GATB: variants seen among roughly 807,000 people sequenced by gnomAD.
GATB encodes the protein glutamyl-tRNA(Gln) amidotransferase subunit B, mitochondrial.
A neutral mutation model predicts 62.3 loss-of-function variants in GATB; 39 were observed. The observed-to-expected ratio is 0.63, with a 90% CI of 0.48 to 0.82. GATB has a LOEUF of 0.82. Among genes scored for constraint, GATB ranks in the 40% least tolerant of loss-of-function variants. The pLI, the probability that GATB is intolerant of heterozygous loss-of-function variation, is 0.00. For missense variants in GATB, 670 were observed against 684.0 expected, an observed-to-expected ratio of 0.98 and a Z score of 0.23; for synonymous variants, 276 against 258.9, an observed-to-expected ratio of 1.07 and a Z score of -0.63.
chr4:151,758,381 G>T lies in GATB; in HGVS notation c.327+391C>A, dbSNP rs1180376891. ...TACTGAATTAGTTGTCCCTCCTCTG[G>T]GTTTCGAAATCATCCTCTGCATATT... On this transcript the variant is annotated intron_variant, in intron 2 of 12. Transcript: ENST00000263985. Among the ~76,000 whole-genome samples the T allele has an allele frequency of 2.0e-5, 3 of 151,970 alleles. No individual in the cohort carries two copies. The East Asian group carries it at 5.8e-4, about 29-fold the overall frequency.
intron 2 of GATB, among the ~76,000 whole-genome samples, chr4:151,742,376 C>T (rs926575268): frequency 2.0e-5 from 3 of 152,166 alleles, no homozygotes; most frequent in Non-Finnish European, 4.4e-5. Flanking sequence ...GCGTGAGCCA[C>T]CGCACCCGGC....
rs1325455166 is a variant in GATB at position 151,716,131 on chromosome 4, C to A, written c.641G>T (p.Gly214Val). 1 of 1,612,712 alleles carries A rather than the reference C, an allele frequency of 6.2e-7. No individual in the cohort carries two copies. Among genetic ancestry groups the A allele is most frequent in the African/African-American group, 1.3e-5 (1 of 74,848 alleles). Residue 214 changes from glycine to valine, a missense_variant and splice_region_variant, in exon 5 of 13, where the codon GGA becomes GTA. Coordinates refer to ENST00000263985, the MANE Select transcript of GATB (RefSeq NM_004564.3). ...SQTLIDLNRA[G>V]VGLLEVVLEP... ...CAGGACCACCTCCAGAAGGCCCACT[C>A]CTACCAAAGAGGGGCAGAGTCAGCC... is the stretch of plus-strand genomic sequence containing the variant.
chr4:151,756,612 T>C lies in GATB; in HGVS notation c.327+2160A>G, dbSNP rs569037708. ...AAACAAATCCTAGCTCATACAAAAC[T>C]GTATTTCCAGACTTTGTCTGCCATT... is the stretch of plus-strand genomic sequence containing the variant. On this transcript the variant is annotated intron_variant, in intron 2 of 12. Transcript: ENST00000263985. 3.9e-5 allele frequency among the ~76,000 whole-genome samples: 6 copies of C among 152,332 alleles called. No homozygotes were observed. In the South Asian group the frequency reaches 6.2e-4, roughly 16 times the overall value.
chr4:151,717,135 T>A, intron 3 of GATB, 61 bp from the exon 4 acceptor site: 1 of 1,472,116 alleles, frequency 6.8e-7, no homozygotes, highest in Non-Finnish European at 9.5e-7. Flanking sequence ...GGGATCCAGT[T>A]TACTATCCCT....
At chr4:151,686,617 T>G (rs1578900273) in intron 10 of GATB, among the ~76,000 whole-genome samples, 1 of 144,942 alleles carries the variant, frequency 6.9e-6, no homozygotes, top group African/African-American at 2.7e-5. Context: ...GAAACTTGCC[T>G]CTCCCTTGGC....
intron 2 of GATB, among the ~76,000 whole-genome samples, chr4:151,737,109 GA>G (rs371716613): frequency 1.4e-4 from 21 of 152,334 alleles, no homozygotes; most frequent in Non-Finnish European, 1.6e-4. Context: ...GCAGAGGCTG[GA>G]ACAGTTTGGA....
intron 2 of GATB, chr4:151,722,294 C>A (rs1385363000): frequency 5.8e-6 from 4 of 688,786 alleles, no homozygotes; most frequent in South Asian, 4.6e-5. Flanking sequence ...TGTCTCTGCC[C>A]TCAATGAATC....
In GATB at chr4:151,719,465, G is replaced by C. The variant is rs1341389726; in HGVS notation, c.401C>G (p.Ser134Cys). Residue 134 changes from serine to cysteine, a missense_variant, in exon 3 of 13, where the codon TCC becomes TGC. Coordinates refer to ENST00000263985, the MANE Select transcript of GATB (RefSeq NM_004564.3). The part of the protein sequence containing the change: ...LALNCHINKK[S>C]LFDRKHYFYA... Reference sequence around the variant, plus strand: ...GAAGTAGTGCTTCCTGTCAAACAAGGACTTCTTGTTTATGTGGCAGTTCAG... The same window carrying C: ...GAAGTAGTGCTTCCTGTCAAACAAGCACTTCTTGTTTATGTGGCAGTTCAG... 1.2e-6 allele frequency: 2 copies of C among 1,611,794 alleles called. No individual in the cohort carries two copies. The highest frequency in any genetic ancestry group is 2.7e-5 in the African/African-American group (2 of 74,918).
chr4:151,692,768 C>T (rs1270974200), intron 9 of GATB, among the ~76,000 whole-genome samples: 1 of 152,230 alleles, frequency 6.6e-6, no homozygotes, highest in East Asian at 1.9e-4. Context: ...CAGTCCTGAA[C>T]AAGACAAATC....
chr4:151,731,508 C>T (rs565217673), intron 2 of GATB, among the ~76,000 whole-genome samples: 1,579 of 152,292 alleles, frequency 0.01, 21 homozygotes, highest in African/African-American at 0.036. Context: ...CCCAAAGTGC[C>T]GAGATTGCAG....
At chr4:151,694,053 C>T (rs1435154417) in intron 9 of GATB, among the ~76,000 whole-genome samples, 2 of 152,164 alleles carry the variant, frequency 1.3e-5, no homozygotes, top group African/African-American at 4.8e-5. Context: ...ATTGTAGTCA[C>T]GTTCCAACGC....
chr4:151,672,984 G>T, intron 11 of GATB, 88 bp from the exon 12 acceptor site: 1 of 1,499,396 alleles, frequency 6.7e-7, no homozygotes, highest in Non-Finnish European at 9.1e-7. Flanking sequence ...TGTGGAGCTG[G>T]GGTGGGAATG....
intron 2 of GATB, among the ~76,000 whole-genome samples, chr4:151,749,991 C>G (rs1739685236): frequency 6.6e-6 from 1 of 152,142 alleles, no homozygotes; most frequent in Admixed American, 6.5e-5. Context: ...ACACCATTCT[C>G]CTGCCTCAGC....
At chr4:151,685,488 C>T (rs1431080004) in intron 10 of GATB, among the ~76,000 whole-genome samples, 1 of 152,170 alleles carries the variant, frequency 6.6e-6, no homozygotes, top group Non-Finnish European at 1.5e-5. Flanking sequence ...CACACAGCCA[C>T]ACCTCTTGGC....
intron 9 of GATB, among the ~76,000 whole-genome samples, chr4:151,694,858 CT>C (rs1442195082): frequency 6.6e-6 from 1 of 152,220 alleles, no homozygotes; most frequent in Non-Finnish European, 1.5e-5. Flanking sequence ...AAGGAAAATT[CT>C]TGAAAAACAA....
chr4:151,755,033 A>G (rs1739799354), intron 2 of GATB, among the ~76,000 whole-genome samples: 1 of 152,206 alleles, frequency 6.6e-6, no homozygotes, highest in Non-Finnish European at 1.5e-5. Flanking sequence ...CTAGCAGGTA[A>G]GATTTACCTT....
In GATB at chr4:151,697,951, GTGTA is replaced by G. The variant is rs1452920701; in HGVS notation, c.1197+3374_1197+3377del. ...ATTTCATATATATGTGTGTGTGTGT[GTGTA>G]TATATATATATATATATATATATAT... is the stretch of plus-strand genomic sequence containing the variant. On this transcript the variant is annotated intron_variant, in intron 9 of 12. Transcript: ENST00000263985. 6.0e-3 allele frequency among the ~76,000 whole-genome samples: 171 copies of G among 28,570 alleles called. 2 individuals carry two copies. Among genetic ancestry groups the G allele is most frequent in the African/African-American group, 0.032 (148 of 4,684 alleles). 18.7% of individuals were successfully genotyped at this position (28,570 alleles called of 152,430 possible).
intron 2 of GATB, chr4:151,722,422 A>G: frequency 5.4e-6 from 3 of 557,856 alleles, no homozygotes; most frequent in Admixed American, 3.4e-5. Flanking sequence ...AAGTCCCTCA[A>G]TGGCCCCTGA....
intron 2 of GATB, chr4:151,722,180 A>G (rs1216146566): frequency 1.4e-6 from 1 of 702,500 alleles, no homozygotes; most frequent in Non-Finnish European, 2.6e-6. Context: ...AGGATAGGAT[A>G]CAGAATGGGA....
Sources: allele counts gnomAD v4.1 joint callset (sites outside exome capture counted in the v4.1 genomes callset), GRCh38; gene constraint gnomAD v4.1.1; transcripts MANE v1.5; gene names NCBI Gene and HGNC (gene_info 2026-07-23, HGNC 2026-07-21).